AUTS2: variants seen among roughly 807,000 people sequenced by gnomAD.
AUTS2 encodes autism susceptibility gene 2 protein.
In AUTS2, 17 loss-of-function variants were observed where a neutral mutation model predicts 112.4. The ratio of observed to expected loss-of-function variants is 0.15; its 90% confidence interval spans 0.10 to 0.23. The LOEUF (loss-of-function observed/expected upper bound fraction) is 0.23. AUTS2 is among the 10% of genes least tolerant of loss of function. AUTS2 has a pLI of 1.00. For synonymous variants in AUTS2, 751 were observed against 702.7 expected (o/e 1.07, Z -1.09); for missense variants, 1,510 against 1,701.6 (o/e 0.89, Z 1.98).
intron 1 of AUTS2, among the ~76,000 whole-genome samples, chr7:69,766,991 C>T (rs1163794213): frequency 2.0e-5 from 3 of 152,206 alleles, no homozygotes; most frequent in African/African-American, 7.2e-5. Flanking sequence ...CACTCTGACA[C>T]CCTGCTACTA....
At chr7:69,715,208 A>G (rs1343932028) in intron 1 of AUTS2, among the ~76,000 whole-genome samples, 2 of 146,462 alleles carry the variant, frequency 1.4e-5, no homozygotes, top group Admixed American at 1.4e-4. Context: ...TGGCTTGTAT[A>G]ATTTTCTTCA....
intron 5 of AUTS2, among the ~76,000 whole-genome samples, chr7:70,600,188 A>G (rs1022596193): frequency 1.3e-5 from 2 of 152,206 alleles, no homozygotes; most frequent in Non-Finnish European, 2.9e-5. Context: ...TATTGAAATG[A>G]TTCACAGTCC....
At chr7:70,265,428 GTAATA>G (rs1466559397) in intron 4 of AUTS2, among the ~76,000 whole-genome samples, 1 of 152,146 alleles carries the variant, frequency 6.6e-6, no homozygotes, top group African/African-American at 2.4e-5. Flanking sequence ...ATAAAAATGA[GTAATA>G]TAATAAGGAA....
rs188965523 is a variant in AUTS2 at position 70,412,006 on chromosome 7, T to C, written c.661-23746T>C. On this transcript the variant is annotated intron_variant, in intron 4 of 18. Coordinates refer to ENST00000342771, the MANE Select transcript of AUTS2 (RefSeq NM_015570.4). Reference sequence around the variant, plus strand: ...ACCTCGTGGGTTCAAGCAATTCTTCTGCCTTAGCCTCCCAAGTAGCTGGTA... The same window carrying C: ...ACCTCGTGGGTTCAAGCAATTCTTCCGCCTTAGCCTCCCAAGTAGCTGGTA... 2.1e-3 allele frequency among the ~76,000 whole-genome samples: 311 copies of C among 151,432 alleles called. 1 individual carries two copies. Among genetic ancestry groups the C allele is most frequent in the African/African-American group, 7.4e-3 (305 of 41,220 alleles).
intron 1 of AUTS2, among the ~76,000 whole-genome samples, chr7:69,734,497 A>G (rs1330861523): frequency 6.6e-6 from 1 of 151,838 alleles, no homozygotes; most frequent in Non-Finnish European, 1.5e-5. Flanking sequence ...GAGGGGGATG[A>G]GGAAGGGCTA....
chr7:70,690,632 T>C (rs1235756553), intron 5 of AUTS2, among the ~76,000 whole-genome samples: 1 of 152,222 alleles, frequency 6.6e-6, no homozygotes, highest in Non-Finnish European at 1.5e-5. Flanking sequence ...ATTTGTGATA[T>C]AAATTGAATC....
chr7:70,542,531 G>T (rs1363669774), intron 5 of AUTS2, among the ~76,000 whole-genome samples: 2 of 152,214 alleles, frequency 1.3e-5, no homozygotes, highest in African/African-American at 4.8e-5. Context: ...GCAAAGTGGG[G>T]TGTCCTCTTT....
rs576521763 is a variant in AUTS2, at chr7:70,062,615, C to T, written c.523-55517C>T. ...TCCTTAGCTAGTTTCATCATTCTAC[C>T]GTGACATTTATCCCCATTATGACAT... On this transcript the variant is annotated intron_variant, in intron 2 of 18. Coordinates refer to ENST00000342771, the MANE Select transcript of AUTS2 (RefSeq NM_015570.4). Among the ~76,000 whole-genome samples the T allele has an allele frequency of 5.3e-5, 8 of 152,228 alleles. No individual in the cohort carries two copies. In the East Asian group the frequency reaches 5.8e-4, roughly 11 times the overall value.
At chr7:70,475,753 T>C (rs1319274957) in intron 5 of AUTS2, among the ~76,000 whole-genome samples, 1 of 152,154 alleles carries the variant, frequency 6.6e-6, no homozygotes, top group Non-Finnish European at 1.5e-5. Flanking sequence ...AGTCTACTAA[T>C]AGCGGCCAGG....
At chr7:69,771,028 CTGTG>C (rs1214323830) in intron 1 of AUTS2, among the ~76,000 whole-genome samples, 1 of 152,132 alleles carries the variant, frequency 6.6e-6, no homozygotes, top group Admixed American at 6.5e-5. Context: ...GTTAAAGAAA[CTGTG>C]TGTTTGCAGT....
intron 4 of AUTS2, among the ~76,000 whole-genome samples, chr7:70,180,622 C>T (rs748198373): frequency 1.3e-5 from 2 of 152,154 alleles, no homozygotes; most frequent in Non-Finnish European, 2.9e-5. Flanking sequence ...CCCTCCTCAT[C>T]TCTGGTTCTC....
intron 1 of AUTS2, among the ~76,000 whole-genome samples, chr7:69,692,527 T>C (rs534329882): frequency 6.6e-6 from 1 of 152,356 alleles, no homozygotes; most frequent in Admixed American, 6.5e-5. Flanking sequence ...AACAAATAGC[T>C]TTTATTTATT....
At chr7:69,820,765 C>G (rs1296397216) in intron 1 of AUTS2, among the ~76,000 whole-genome samples, 1 of 152,088 alleles carries the variant, frequency 6.6e-6, no homozygotes, top group African/African-American at 2.4e-5. Context: ...CATGAATGAG[C>G]TCAGATGTGA....
At chr7:70,060,642 A>G (rs1802201568) in intron 2 of AUTS2, among the ~76,000 whole-genome samples, 1 of 152,244 alleles carries the variant, frequency 6.6e-6, no homozygotes, top group African/African-American at 2.4e-5. Flanking sequence ...AGGAAGTATA[A>G]TATTACAATA....
chr7:70,296,049 C>G (rs1329811962), intron 4 of AUTS2, among the ~76,000 whole-genome samples: 2 of 152,098 alleles, frequency 1.3e-5, no homozygotes, highest in Non-Finnish European at 2.9e-5. Context: ...TACATTAAAG[C>G]CCCAAGACAT....
At chr7:70,702,991 A>G (rs1333779822) in intron 6 of AUTS2, among the ~76,000 whole-genome samples, 2 of 152,192 alleles carry the variant, frequency 1.3e-5, no homozygotes, top group Non-Finnish European at 2.9e-5. Context: ...AAGAAGACCT[A>G]GCTTAAAAAT....
intron 1 of AUTS2, among the ~76,000 whole-genome samples, chr7:69,626,961 A>G (rs1400105364): frequency 6.6e-6 from 1 of 152,244 alleles, no homozygotes; most frequent in Non-Finnish European, 1.5e-5. Context: ...TAGGAAGAAA[A>G]CAAAAGCAAA....
chr7:70,161,901 T>C (rs1808095705), intron 4 of AUTS2, among the ~76,000 whole-genome samples: 1 of 152,120 alleles, frequency 6.6e-6, no homozygotes, highest in South Asian at 2.1e-4. Context: ...AAAAATACTG[T>C]TGGAGTTATT....
At chr7:69,646,577 C>T (rs1054849040) in intron 1 of AUTS2, among the ~76,000 whole-genome samples, 2 of 152,344 alleles carry the variant, frequency 1.3e-5, no homozygotes, top group Admixed American at 6.5e-5. Context: ...AGGCACAGGT[C>T]AGGATTCTCT....
Sources: allele counts gnomAD v4.1 joint callset (sites outside exome capture counted in the v4.1 genomes callset), GRCh38; gene constraint gnomAD v4.1.1; transcripts MANE v1.5; gene names NCBI Gene and HGNC (gene_info 2026-07-23, HGNC 2026-07-21).